The following SH3RF3 variants were observed in gnomAD, a reference collection of about 807,000 sequenced individuals.
The protein encoded by SH3RF3 is E3 ubiquitin-protein ligase SH3RF3.
Under a neutral mutation model 66.3 loss-of-function variants are expected in SH3RF3, and 29 were observed. That is an observed-to-expected ratio of 0.44 (90% CI 0.33 to 0.60). The LOEUF (loss-of-function observed/expected upper bound fraction) is 0.60. Among genes scored for constraint, SH3RF3 ranks in the 20% least tolerant of loss-of-function variants. The pLI is 0.04. For missense variants in SH3RF3, 1,194 were observed against 1,190.9 expected, an observed-to-expected ratio of 1.00 and a Z score of -0.04; for synonymous variants, 583 against 532.0, an observed-to-expected ratio of 1.10 and a Z score of -1.32.
Position 109,129,932 on chromosome 2 carries a change from C to A in SH3RF3, c.392C>A (p.Pro131His). The change falls in exon 1 of 10, where the codon CCC (proline) becomes CAC (histidine). Residue 131 changes from proline (P) to histidine (H), a missense_variant. Transcript: ENST00000309415. Reference sequence around the variant, plus strand: ...CAGCGGCCCCGCGCGGGCACCAGCCCCGGCGGCAGCCCGCCCGCGCGTCCC... The same window carrying A: ...CAGCGGCCCCGCGCGGGCACCAGCCACGGCGGCAGCCCGCCCGCGCGTCCC... ...IRQRPRAGTS[P>H]GGSPPARPIP... The A allele has an allele frequency of 6.7e-7, 1 of 1,481,798 alleles. No individual in the cohort carries two copies. The allele number at this position is 1,481,798 out of a possible 1,614,324, so 91.8% of individuals were successfully genotyped here.
chr2:109,224,522 G>A (rs1270747183), intron 1 of SH3RF3, among the ~76,000 whole-genome samples: 3 of 152,174 alleles, frequency 2.0e-5, no homozygotes, highest in Admixed American at 6.5e-5. Context: ...GGTGACTACT[G>A]AGCTCATGAA....
At chr2:109,479,213 C>G (rs1386724996) in intron 8 of SH3RF3, among the ~76,000 whole-genome samples, 2 of 152,152 alleles carry the variant, frequency 1.3e-5, no homozygotes, top group Non-Finnish European at 2.9e-5. Flanking sequence ...AGTGGCATCT[C>G]CCCTGAGCCC....
intron 8 of SH3RF3, among the ~76,000 whole-genome samples, chr2:109,469,154 C>T (rs1476834038): frequency 6.6e-6 from 1 of 152,156 alleles, no homozygotes; most frequent in Non-Finnish European, 1.5e-5. Context: ...AGAATGCGGG[C>T]CCCCTGCAGC....
intron 7 of SH3RF3, among the ~76,000 whole-genome samples, chr2:109,440,383 C>T (rs1030101726): frequency 2.6e-5 from 4 of 152,074 alleles, no homozygotes; most frequent in Admixed American, 6.5e-5. Context: ...GCAGTGAAGC[C>T]GAAAAGCTAA....
chr2:109,139,776 T>C (rs979969127), intron 1 of SH3RF3, among the ~76,000 whole-genome samples: 11 of 152,192 alleles, frequency 7.2e-5, no homozygotes, highest in African/African-American at 2.7e-4. Context: ...CATTGAACAA[T>C]GGAGTTTAAG....
At chr2:109,245,340 G>A (rs1036952204) in intron 1 of SH3RF3, among the ~76,000 whole-genome samples, 1 of 151,900 alleles carries the variant, frequency 6.6e-6, no homozygotes, top group East Asian at 1.9e-4. Context: ...CCCAACTTGG[G>A]GACAGTGTCA....
chr2:109,276,843 TA>T (rs1680769466), intron 1 of SH3RF3, among the ~76,000 whole-genome samples: 1 of 151,982 alleles, frequency 6.6e-6, no homozygotes. Flanking sequence ...ACAAACAATA[TA>T]GTTAAGCAAG....
intron 1 of SH3RF3, among the ~76,000 whole-genome samples, chr2:109,315,866 A>T (rs1681867077): frequency 6.6e-6 from 1 of 152,214 alleles, no homozygotes; most frequent in South Asian, 2.1e-4. Context: ...TGATCTAGGC[A>T]TCAAAGCCAC....
intron 1 of SH3RF3, among the ~76,000 whole-genome samples, chr2:109,236,829 A>C (rs995725929): frequency 6.6e-6 from 1 of 152,212 alleles, no homozygotes; most frequent in African/African-American, 2.4e-5. Flanking sequence ...CTCTCCTCAG[A>C]GATCAAAATT....
intron 1 of SH3RF3, among the ~76,000 whole-genome samples, chr2:109,263,837 G>C (rs549414946): frequency 1.3e-5 from 2 of 152,180 alleles, no homozygotes; most frequent in African/African-American, 4.8e-5. Flanking sequence ...GCATGGTGGC[G>C]GGAGCCTGTA....
intron 1 of SH3RF3, among the ~76,000 whole-genome samples, chr2:109,246,377 C>T (rs759599500): frequency 7.2e-5 from 11 of 152,138 alleles, no homozygotes; most frequent in African/African-American, 1.4e-4. Flanking sequence ...GGCAACTCTC[C>T]GAGGCCTCTT....
At chr2:109,239,251 G>T (rs528580373) in intron 1 of SH3RF3, among the ~76,000 whole-genome samples, 2 of 152,064 alleles carry the variant, frequency 1.3e-5, no homozygotes, top group African/African-American at 4.8e-5. Context: ...CAGCTCACCT[G>T]GGTTTCTCAC....
chr2:109,387,185 G>A (rs961484196), intron 3 of SH3RF3, among the ~76,000 whole-genome samples: 11 of 152,144 alleles, frequency 7.2e-5, no homozygotes, highest in Admixed American at 3.3e-4. Flanking sequence ...TTGAGATTGC[G>A]CTGTATCAGT....
chr2:109,401,967 G>A (rs1458388435), intron 4 of SH3RF3, among the ~76,000 whole-genome samples: 1 of 152,206 alleles, frequency 6.6e-6, no homozygotes, highest in Non-Finnish European at 1.5e-5. Context: ...CGAAAGTCAT[G>A]GCCAGGCTAC....
At chr2:109,194,010 T>C (rs1678433944) in intron 1 of SH3RF3, among the ~76,000 whole-genome samples, 1 of 152,226 alleles carries the variant, frequency 6.6e-6, no homozygotes, top group African/African-American at 2.4e-5. Context: ...GAAAATAAAC[T>C]TTTGAAAGTT....
chr2:109,171,303 A>T (rs767650376), intron 1 of SH3RF3, among the ~76,000 whole-genome samples: 1 of 152,046 alleles, frequency 6.6e-6, no homozygotes, highest in Non-Finnish European at 1.5e-5. Context: ...TTTCCTTGTC[A>T]TATCTATTTC....
chr2:109,330,370 T>C (rs912002711), intron 1 of SH3RF3, among the ~76,000 whole-genome samples: 24 of 152,252 alleles, frequency 1.6e-4, no homozygotes, highest in African/African-American at 5.8e-4. Flanking sequence ...TTTTTTTTCT[T>C]GTCTTGGCAT....
chr2:109,388,415 A>G (rs1321820484), intron 3 of SH3RF3, among the ~76,000 whole-genome samples: 2 of 152,204 alleles, frequency 1.3e-5, no homozygotes, highest in African/African-American at 2.4e-5. Context: ...AACCAGCAGC[A>G]GGTACTCAGT....
At chr2:109,199,608 G>GAACCC (rs1678606484) in intron 1 of SH3RF3, among the ~76,000 whole-genome samples, 1 of 234 alleles carries the variant, frequency 4.3e-3, no homozygotes, top group Non-Finnish European at 8.9e-3. Flanking sequence ...GGAATGGAAT[G>GAACCC]GAATGGAATG....
Sources: allele counts gnomAD v4.1 joint callset (sites outside exome capture counted in the v4.1 genomes callset), GRCh38; gene constraint gnomAD v4.1.1; transcripts MANE v1.5; gene names NCBI Gene and HGNC (gene_info 2026-07-23, HGNC 2026-07-21).